Variants in IGF2R observed in about 807,000 individuals in gnomAD.
The protein encoded by IGF2R is cation-independent mannose-6-phosphate receptor.
In IGF2R, 91 loss-of-function variants were observed where a neutral mutation model predicts 270.6. The observed-to-expected ratio is 0.34, with a 90% CI of 0.28 to 0.40. The LOEUF is 0.40. Among genes scored for constraint, IGF2R ranks in the 10% least tolerant of loss-of-function variants. IGF2R has a pLI of 1.00. For synonymous variants in IGF2R, 1,316 were observed against 1,258.9 expected, an observed-to-expected ratio of 1.05 and a Z score of -0.96; for missense variants, 2,805 against 3,188.3, an observed-to-expected ratio of 0.88 and a Z score of 2.90.
intron 4 of IGF2R, among the ~76,000 whole-genome samples, chr6:160,019,474 CAATATTATCCTG>C (rs1179125526): frequency 6.6e-6 from 1 of 152,080 alleles, no homozygotes; most frequent in Non-Finnish European, 1.5e-5. Context: ...TATTTGAAGC[CAATATTATCCTG>C]ATAACCAAAG....
intron 10 of IGF2R, among the ~76,000 whole-genome samples, chr6:160,038,745 A>G (rs1437372876): frequency 6.6e-6 from 1 of 152,182 alleles, no homozygotes; most frequent in Non-Finnish European, 1.5e-5. Context: ...GTGAAGGTGG[A>G]AGGCATTCCT....
At chr6:160,027,898 G>A (rs1777598167) in intron 6 of IGF2R, among the ~76,000 whole-genome samples, 1 of 152,132 alleles carries the variant, frequency 6.6e-6, no homozygotes, top group Non-Finnish European at 1.5e-5. Context: ...CCCATTCAGA[G>A]GCCTTTGGTA....
chr6:160,079,748 G>T lies in IGF2R; in HGVS notation c.5647G>T (p.Val1883Phe). 2 of 1,476,534 alleles carry T rather than the reference G, an allele frequency of 1.4e-6. No individual in the cohort carries two copies. Among genetic ancestry groups the T allele is most frequent in the Non-Finnish European group, 1.8e-6 (2 of 1,110,958 alleles). The allele number at this position is 1,476,534 out of a possible 1,614,324, so 91.5% of individuals were successfully genotyped here. A position where few individuals can be genotyped will look rare whatever the true frequency, so the allele number is the denominator to read the frequency against. ...KLDYRHQDEA[V>F]VLSYVNGDRC... ...GGATTACAGGCACCAGGATGAAGCG[G>T]TCGTTTTAAGTTACGTGAATGGTGA... Residue 1883 changes from valine to phenylalanine, a missense_variant, in exon 38 of 48, where the codon GTC (valine) becomes TTC (phenylalanine). Around this residue, in one of 2 missense-constraint regions of IGF2R, gnomAD observed 1,851 missense variants for 2,207.2 expected, o/e 0.84. Transcript: ENST00000356956.
intron 6 of IGF2R, among the ~76,000 whole-genome samples, chr6:160,029,219 G>A (rs1286177187): frequency 6.6e-6 from 1 of 152,220 alleles, no homozygotes; most frequent in Non-Finnish European, 1.5e-5. Flanking sequence ...GACCTCAGGT[G>A]ATCCACCACC....
Position 160,047,258 on chromosome 6 carries a change from T to C in IGF2R, c.2151T>C (p.Asn717=). ...LNYRGGTPYN[N]ERHTPRATLI... Reference sequence around the variant, plus strand: ...ACAGAGGCGGCACACCCTATAACAATGAAAGACACACACCGAGAGCTACGC... The same window carrying C: ...ACAGAGGCGGCACACCCTATAACAACGAAAGACACACACCGAGAGCTACGC... The change falls in exon 16 of 48, where the codon AAT becomes AAC. Residue 717 remains asparagine (N), a synonymous_variant. Transcript: ENST00000356956. The C allele has an allele frequency of 1.2e-6, 2 of 1,612,704 alleles. No homozygotes were observed. Among genetic ancestry groups the C allele is most frequent in the South Asian group, 1.1e-5 (1 of 91,018 alleles).
In IGF2R at chr6:160,064,253, A is replaced by T. The variant is rs1778506779; in HGVS notation, c.3887-148A>T. Reference sequence around the variant, plus strand: ...AGCCTGATTTTATTCCCAAAGTGTAATGTGACAGGAGTGCATGGTATGGTG... The same window carrying T: ...AGCCTGATTTTATTCCCAAAGTGTATTGTGACAGGAGTGCATGGTATGGTG... On this transcript the variant is annotated intron_variant, in intron 27 of 47. Transcript: ENST00000356956. 4.5e-6 allele frequency: 4 copies of T among 892,556 alleles called. No homozygotes were observed. The African/African-American group carries it at 5.0e-5, about 11-fold the overall frequency. The allele number at this position is 892,556 out of a possible 1,614,324, so 55.3% of individuals were successfully genotyped here.
rs2282137 is a variant in IGF2R at position 160,047,148 on chromosome 6, G to A, written c.2052-11G>A. The A allele has an allele frequency of 0.026, 41,811 of 1,613,296 alleles. 1,195 individuals are homozygous for A. The highest frequency in any genetic ancestry group is 0.11 in the East Asian group (5,135 of 44,878). ...CAGGTCTTTGCTGAGAGAAACGTGT[G>A]TTTATTTCAGTGATGAGAAGACTTG... On this transcript the variant is annotated splice_polypyrimidine_tract_variant and intron_variant, in intron 15 of 47. Coordinates refer to ENST00000356956, the MANE Select transcript of IGF2R (RefSeq NM_000876.4).
intron 39 of IGF2R, among the ~76,000 whole-genome samples, chr6:160,081,173 C>T (rs190306682): frequency 1.6e-3 from 236 of 151,562 alleles, no homozygotes; most frequent in African/African-American, 5.4e-3. Context: ...TGTCCAGTAT[C>T]GGGGGAACCA....
At chr6:159,975,538 G>A (rs893166492) in intron 1 of IGF2R, among the ~76,000 whole-genome samples, 6 of 151,814 alleles carry the variant, frequency 4.0e-5, no homozygotes, top group African/African-American at 1.5e-4. Context: ...CTACCTTGGG[G>A]CAGGTGGAAG....
intron 7 of IGF2R, 125 bp downstream of exon 7, chr6:160,029,780 AC>A (rs1449950171): frequency 1.5e-6 from 1 of 654,782 alleles, no homozygotes; most frequent in Non-Finnish European, 2.8e-6. Context: ...TGACAGAGGC[AC>A]TGGTGGGTTC....
At chr6:160,055,394 C>G (rs1422390288) in intron 19 of IGF2R, among the ~76,000 whole-genome samples, 3 of 152,170 alleles carry the variant, frequency 2.0e-5, no homozygotes, top group African/African-American at 7.2e-5. Flanking sequence ...GTTGTCGTGT[C>G]TCTCAGCACT....
At chr6:160,052,289 T>C (rs978357749) in intron 19 of IGF2R, among the ~76,000 whole-genome samples, 4 of 152,068 alleles carry the variant, frequency 2.6e-5, no homozygotes, top group African/African-American at 4.8e-5. Context: ...TATACACCAT[T>C]AACAGACAAA....
At chr6:160,053,590 A>G (rs926951095) in intron 19 of IGF2R, among the ~76,000 whole-genome samples, 2 of 151,988 alleles carry the variant, frequency 1.3e-5, no homozygotes, top group African/African-American at 2.4e-5. Flanking sequence ...TACAGTCCCA[A>G]TTGCTTCTGT....
At chr6:160,028,362 C>A (rs2115227909) in intron 6 of IGF2R, among the ~76,000 whole-genome samples, 1 of 152,358 alleles carries the variant, frequency 6.6e-6, no homozygotes, top group Non-Finnish European at 1.5e-5. Context: ...TTTAAAGGCC[C>A]TGTCTCCAAA....
rs369990524 is a variant in IGF2R, at chr6:160,058,073, G to C, written c.2847G>C (p.Pro949=). The C allele has an allele frequency of 2.1e-5, 34 of 1,613,694 alleles. No individual in the cohort carries two copies. Among genetic ancestry groups the C allele is most frequent in the Non-Finnish European group, 2.7e-5 (32 of 1,179,618 alleles). ...PNSGFVFNLN[P]LNSSQGYNVS... is the part of the protein sequence containing the mutation. ...GTGGATTTGTGTTTAATCTTAATCC[G>C]CTAAACAGTTCGCAAGGATATAACG... Residue 949 remains proline (P), a synonymous_variant, in exon 21 of 48, where the codon CCG becomes CCC. Transcript: ENST00000356956.
rs1018767674 is a variant in IGF2R, at chr6:160,041,905, C to T, written c.1480+1181C>T. Among the ~76,000 whole-genome samples the T allele has an allele frequency of 4.1e-4, 62 of 152,082 alleles. 1 individual carries two copies. The highest frequency in any genetic ancestry group is 2.9e-5 in the Non-Finnish European group (2 of 68,030). The stretch of plus-strand genomic sequence containing the variant: ...AGACCTGGCTGAGGACTGGTGTTGC[C>T]GCATCCAACCACATTTGCTTGAGCG... On this transcript the variant is annotated intron_variant, in intron 11 of 47. Coordinates refer to ENST00000356956, the MANE Select transcript of IGF2R (RefSeq NM_000876.4).
intron 35 of IGF2R, among the ~76,000 whole-genome samples, chr6:160,075,099 C>A (rs1199070573): frequency 6.6e-6 from 1 of 152,040 alleles, no homozygotes; most frequent in Non-Finnish European, 1.5e-5. Flanking sequence ...GCTGCTTATA[C>A]ACACACTCAC....
chr6:160,058,260 A>C (rs1429875943), intron 21 of IGF2R, 136 bp downstream of exon 21: 3 of 642,238 alleles, frequency 4.7e-6, no homozygotes, highest in Admixed American at 2.6e-5. Flanking sequence ...AGGAGATGGG[A>C]AAATCCAGAT....
rs747406601 is a variant in IGF2R, at chr6:160,104,855, T to C, written c.7247T>C (p.Ile2416Thr). Residue 2416 changes from isoleucine to threonine, a missense_variant, in exon 48 of 48, where the codon ATC (isoleucine) becomes ACC (threonine). This residue lies in a region of IGF2R where 1,851 missense variants were observed against 2,207.2 expected (regional missense o/e 0.84). Transcript: ENST00000356956. ...GACAGTGAGGATGAGGTTCTGACCA[T>C]CCCAGAGGTGAAAGTTCACTCGGGC... The part of the protein sequence containing the change: ...DQDSEDEVLT[I>T]PEVKVHSGRG... 1.2e-6 allele frequency: 2 copies of C among 1,614,138 alleles called. No individual in the cohort carries two copies. Among genetic ancestry groups the C allele is most frequent in the East Asian group, 4.5e-5 (2 of 44,870 alleles).
Sources: gnomAD v4.1 joint callset for allele counts (sites outside exome capture counted in the v4.1 genomes callset) on GRCh38, gnomAD v4.1.1 for gene constraint, gnomAD v4.1.1 regional missense constraint, MANE v1.5 for transcripts, NCBI Gene and HGNC (gene_info 2026-07-23, HGNC 2026-07-21) for gene names.